The following CAMKMT variants were observed in gnomAD, a reference collection of about 807,000 sequenced individuals.
CAMKMT encodes calmodulin-lysine N-methyltransferase.
In CAMKMT, 53 loss-of-function variants were observed where a neutral mutation model predicts 48.0. The observed-to-expected ratio is 1.10, with a 90% confidence interval of 0.89 to 1.39. CAMKMT has a LOEUF of 1.39. Among genes scored for constraint, CAMKMT ranks in the 40% most tolerant of loss-of-function variants. The pLI is 0.00. For synonymous variants in CAMKMT, 165 were observed against 152.3 expected, an observed-to-expected ratio of 1.08 and a Z score of -0.61; for missense variants, 428 against 402.7, an observed-to-expected ratio of 1.06 and a Z score of -0.54.
chr2:44,711,994 G>A (rs1254129880), intron 6 of CAMKMT, among the ~76,000 whole-genome samples: 1 of 152,054 alleles, frequency 6.6e-6, no homozygotes, highest in African/African-American at 2.4e-5. Context: ...ACGTCATCTT[G>A]CATTTCCTTA....
intron 3 of CAMKMT, among the ~76,000 whole-genome samples, chr2:44,575,667 T>G (rs1420089644): frequency 3.3e-5 from 5 of 151,836 alleles, no homozygotes; most frequent in Non-Finnish European, 5.9e-5. Flanking sequence ...CTCAGGAGTT[T>G]GATACCAGCC....
At chr2:44,369,642 G>A (rs1572647078) in intron 1 of CAMKMT, 1 of 152,164 alleles carries the variant, frequency 6.6e-6, no homozygotes, top group Non-Finnish European at 1.5e-5. Context: ...CACTTTAGCT[G>A]TGATCTTTGG....
intron 3 of CAMKMT, among the ~76,000 whole-genome samples, chr2:44,534,002 A>T (rs899783981): frequency 6.6e-6 from 1 of 152,224 alleles, no homozygotes; most frequent in Non-Finnish European, 1.5e-5. Flanking sequence ...ACCTGTAAAG[A>T]CATGTATAGA....
In CAMKMT at chr2:44,722,184, T is replaced by C. The variant is rs1363865464; in HGVS notation, c.623+6831T>C. Among the ~76,000 whole-genome samples, 583 of 149,204 alleles carry C rather than the reference T, an allele frequency of 3.9e-3. 7 individuals are homozygous for C. The highest frequency in any genetic ancestry group is 7.4e-3 in the Admixed American group (111 of 15,080). ...TTTCCTTTTTCTTTTTTCTTTTTTT[T>C]TTTTTTTTTCTATTCTGGATAATGC... On this transcript the variant is annotated intron_variant, in intron 7 of 10. Transcript: ENST00000378494.
rs941081777 is a variant in CAMKMT, at chr2:44,611,096, C to T, written c.377-93187C>T. On this transcript the variant is annotated intron_variant, in intron 3 of 10. Coordinates refer to ENST00000378494, the MANE Select transcript of CAMKMT (RefSeq NM_024766.5). ...TGGGTTTTCTTATTCCCAATATGTT[C>T]CTGAAGGCATATTCTATGGTTAGGC... is the stretch of plus-strand genomic sequence containing the variant. Among the ~76,000 whole-genome samples, 8 of 152,158 alleles carry T rather than the reference C, an allele frequency of 5.3e-5. No individual in the cohort carries two copies. The East Asian group carries it at 9.7e-4, about 18-fold the overall frequency.
rs141816370 is a variant in CAMKMT, at chr2:44,658,393, G to C, written c.377-45890G>C. 1.3e-3 allele frequency among the ~76,000 whole-genome samples: 195 copies of C among 151,650 alleles called. 3 individuals are homozygous for C. Among genetic ancestry groups the C allele is most frequent in the African/African-American group, 4.6e-3 (189 of 41,294 alleles). On this transcript the variant is annotated intron_variant, in intron 3 of 10. Transcript: ENST00000378494. The stretch of plus-strand genomic sequence containing the variant: ...TAGTTGTATGAAAAGGGGGCACCGG[G>C]TGTGCTAGAGTGGCTCACCACCGCC...
chr2:44,461,295 T>C (rs1667836631), intron 3 of CAMKMT, among the ~76,000 whole-genome samples: 1 of 152,204 alleles, frequency 6.6e-6, no homozygotes, highest in African/African-American at 2.4e-5. Flanking sequence ...GTGTTTAATA[T>C]GTGCTGGCTC....
At chr2:44,678,055 A>G (rs977500878) in intron 3 of CAMKMT, among the ~76,000 whole-genome samples, 1 of 152,192 alleles carries the variant, frequency 6.6e-6, no homozygotes, top group Non-Finnish European at 1.5e-5. Flanking sequence ...TCAATAAGAA[A>G]AAAAAAAGGA....
intron 3 of CAMKMT, among the ~76,000 whole-genome samples, chr2:44,439,446 C>G (rs1250418394): frequency 6.6e-6 from 1 of 152,100 alleles, no homozygotes; most frequent in African/African-American, 2.4e-5. Context: ...TCCCTGCCAC[C>G]CACCTCCTCT....
chr2:44,733,767 C>T (rs1679207008), intron 7 of CAMKMT, among the ~76,000 whole-genome samples: 1 of 151,962 alleles, frequency 6.6e-6, no homozygotes, highest in Admixed American at 6.5e-5. Flanking sequence ...TTAAACCAAC[C>T]TTCTTATATT....
In CAMKMT at chr2:44,372,715, G is replaced by T; in HGVS notation, c.139-1G>T. On this transcript the variant is annotated splice_acceptor_variant, in intron 1 of 10. Coordinates refer to ENST00000378494, the MANE Select transcript of CAMKMT (RefSeq NM_024766.5). LOFTEE classifies it high-confidence loss of function. ...CTGCAATATTTGGCTTTATTTCAAA[G>T]GTTCTGAAGCAAAAACACCTGGATG... The T allele has an allele frequency of 6.2e-7, 1 of 1,608,746 alleles. No homozygotes were observed. The highest frequency in any genetic ancestry group is 8.5e-7 in the Non-Finnish European group (1 of 1,178,166).
chr2:44,399,406 C>G (rs1332556600), intron 3 of CAMKMT, among the ~76,000 whole-genome samples: 1 of 152,102 alleles, frequency 6.6e-6, no homozygotes, highest in East Asian at 1.9e-4. Context: ...ATGAAAACCA[C>G]AAGTTCTCCT....
intron 3 of CAMKMT, chr2:44,676,779 T>C (rs1675717424): frequency 6.6e-6 from 1 of 152,240 alleles, no homozygotes; most frequent in Middle Eastern, 3.2e-3. Flanking sequence ...GAGCAAGGTA[T>C]GTTGATCCTT....
intron 6 of CAMKMT, among the ~76,000 whole-genome samples, chr2:44,711,565 C>T (rs575833460): frequency 6.6e-6 from 1 of 152,192 alleles, no homozygotes; most frequent in African/African-American, 2.4e-5. Context: ...ATCCTCCTGC[C>T]TCCACCTCCC....
At chr2:44,502,927 T>C (rs1670077159) in intron 3 of CAMKMT, among the ~76,000 whole-genome samples, 1 of 152,198 alleles carries the variant, frequency 6.6e-6, no homozygotes, top group Non-Finnish European at 1.5e-5. Context: ...ACTCATCTAA[T>C]TATTTTTAGT....
At chr2:44,676,198 C>A (rs1675678139) in intron 3 of CAMKMT, among the ~76,000 whole-genome samples, 1 of 152,148 alleles carries the variant, frequency 6.6e-6, no homozygotes, top group African/African-American at 2.4e-5. Flanking sequence ...CTTATTTCCT[C>A]TTTCCCTCTC....
intron 3 of CAMKMT, among the ~76,000 whole-genome samples, chr2:44,565,729 C>A (rs1259066412): frequency 1.3e-5 from 2 of 152,006 alleles, no homozygotes; most frequent in African/African-American, 4.8e-5. Flanking sequence ...CAAAACTCCC[C>A]AGGTGATTTT....
chr2:44,602,421 C>G (rs1057410940), intron 3 of CAMKMT, among the ~76,000 whole-genome samples: 1 of 152,028 alleles, frequency 6.6e-6, no homozygotes, highest in South Asian at 2.1e-4. Context: ...ATTAAGAGAA[C>G]AACAAAAATG....
chr2:44,525,301 G>C (rs930093251), intron 3 of CAMKMT, among the ~76,000 whole-genome samples: 5 of 152,080 alleles, frequency 3.3e-5, no homozygotes, highest in African/African-American at 1.2e-4. Context: ...TATTGCCCAG[G>C]CTGGAGTGCA....
Sources: gnomAD v4.1 joint callset for allele counts (sites outside exome capture counted in the v4.1 genomes callset) on GRCh38, gnomAD v4.1.1 for gene constraint, MANE v1.5 for transcripts, NCBI Gene and HGNC (gene_info 2026-07-23, HGNC 2026-07-21) for gene names.